Variants in SGIP1 observed in about 807,000 individuals in gnomAD.
The protein encoded by SGIP1 is SH3-containing GRB2-like protein 3-interacting protein 1.
SGIP1 carries 38 observed loss-of-function variants against 107.5 expected under a neutral mutation model. The observed-to-expected ratio is 0.35, with a 90% CI of 0.27 to 0.46. SGIP1 has a LOEUF of 0.46. SGIP1 is among the 20% of genes least tolerant of loss of function. The pLI is 1.00. For synonymous variants in SGIP1, 365 were observed against 366.1 expected (o/e 1.00, Z 0.03); for missense variants, 929 against 1,019.5 (o/e 0.91, Z 1.21).
chr1:66,733,206 C>T (rs1453944670), intron 20 of SGIP1, among the ~76,000 whole-genome samples: 3 of 152,132 alleles, frequency 2.0e-5, no homozygotes, highest in Non-Finnish European at 2.9e-5. Flanking sequence ...GATTTAAATG[C>T]TCATGGATGA....
chr1:66,717,977 T>C (rs980713264), intron 18 of SGIP1, among the ~76,000 whole-genome samples: 3 of 152,158 alleles, frequency 2.0e-5, no homozygotes, highest in African/African-American at 7.2e-5. Flanking sequence ...CCATAATACC[T>C]GATACATAGT....
chr1:66,594,250 T>C (rs72916400), intron 1 of SGIP1, among the ~76,000 whole-genome samples: 7,740 of 152,308 alleles, frequency 0.051, 602 homozygotes, highest in African/African-American at 0.17. Flanking sequence ...TCTAAAATTC[T>C]TAACACTTAT....
Position 66,743,064 on chromosome 1 carries a change from G to A in SGIP1, c.2465-9G>A, listed in dbSNP as rs200878359. ...AGATAACCTGTTGACATGCTGTTTT[G>A]TTTTGCAGGAAAATACTTGGCAGAT... On this transcript the variant is annotated splice_polypyrimidine_tract_variant and intron_variant, in intron 24 of 24. Transcript: ENST00000371037. 211 of 1,613,512 alleles carry A rather than the reference G, an allele frequency of 1.3e-4. No homozygotes were observed. In the African/African-American group the frequency reaches 2.5e-3, roughly 19 times the overall value.
At chr1:66,621,465 C>G (rs2071086853) in intron 1 of SGIP1, among the ~76,000 whole-genome samples, 1 of 152,100 alleles carries the variant, frequency 6.6e-6, no homozygotes, top group Admixed American at 6.5e-5. Context: ...ATAAAATTTT[C>G]CATTTTGGCC....
chr1:66,665,460 G>A (rs2082332694), intron 8 of SGIP1, among the ~76,000 whole-genome samples: 3 of 152,188 alleles, frequency 2.0e-5, no homozygotes, highest in African/African-American at 7.2e-5. Flanking sequence ...ATAGCAGCAT[G>A]ATTTATAATC....
intron 1 of SGIP1, among the ~76,000 whole-genome samples, chr1:66,620,051 C>T (rs985340052): frequency 2.0e-5 from 3 of 152,112 alleles, no homozygotes; most frequent in Non-Finnish European, 4.4e-5. Context: ...AAAAGTGGCT[C>T]AAATTCAAAA....
intron 1 of SGIP1, among the ~76,000 whole-genome samples, chr1:66,568,797 G>A (rs1459678348): frequency 6.6e-6 from 1 of 151,810 alleles, no homozygotes; most frequent in Non-Finnish European, 1.5e-5. Context: ...TGCAGAAAAG[G>A]CCTTTGATAA....
intron 2 of SGIP1, among the ~76,000 whole-genome samples, chr1:66,630,026 C>A (rs1010119359): frequency 6.6e-6 from 1 of 152,116 alleles, no homozygotes; most frequent in African/African-American, 2.4e-5. Flanking sequence ...GCTAGGAAAT[C>A]GACATTGGTT....
chr1:66,624,183 G>A (rs754442521), intron 1 of SGIP1, among the ~76,000 whole-genome samples: 16 of 152,116 alleles, frequency 1.1e-4, no homozygotes, highest in Non-Finnish European at 2.1e-4. Context: ...TTGTGAGCTC[G>A]AAGCTAAAAC....
intron 7 of SGIP1, among the ~76,000 whole-genome samples, chr1:66,659,950 A>AAAAG (rs71058469): frequency 0.036 from 1,532 of 43,040 alleles, 92 homozygotes; most frequent in Non-Finnish European, 0.039. Flanking sequence ...AAAAGAAAGA[A>AAAAG]AAAGAAAGAA....
At chr1:66,619,410 C>T (rs1362614441) in intron 1 of SGIP1, among the ~76,000 whole-genome samples, 1 of 152,254 alleles carries the variant, frequency 6.6e-6, no homozygotes, top group Admixed American at 6.5e-5. Context: ...CCCTCTCCCG[C>T]AGGCTCCGCC....
At chr1:66,671,383 C>A (rs1250493684) in intron 10 of SGIP1, among the ~76,000 whole-genome samples, 1 of 152,020 alleles carries the variant, frequency 6.6e-6, no homozygotes, top group Admixed American at 6.6e-5. Context: ...AGCAACTTAC[C>A]CATTCTTGTG....
At chr1:66,711,118 C>G (rs1347763448) in intron 18 of SGIP1, among the ~76,000 whole-genome samples, 1 of 152,090 alleles carries the variant, frequency 6.6e-6, no homozygotes, top group Non-Finnish European at 1.5e-5. Context: ...ATAAAATATC[C>G]TTTCACAACT....
intron 3 of SGIP1, among the ~76,000 whole-genome samples, chr1:66,635,654 T>C (rs1040881718): frequency 5.3e-5 from 8 of 152,226 alleles, no homozygotes; most frequent in Non-Finnish European, 8.8e-5. Context: ...AAATGCTGGC[T>C]GTATGAGAAA....
At chr1:66,601,532 TGAGAGA>T (rs753130062) in intron 1 of SGIP1, among the ~76,000 whole-genome samples, 10 of 150,350 alleles carry the variant, frequency 6.7e-5, no homozygotes, top group African/African-American at 2.0e-4. Flanking sequence ...TGTGTGTGTG[TGAGAGA>T]GAGAGAGAGA....
chr1:66,560,115 G>A (rs1282449007), intron 1 of SGIP1, among the ~76,000 whole-genome samples: 1 of 152,006 alleles, frequency 6.6e-6, no homozygotes, highest in Non-Finnish European at 1.5e-5. Flanking sequence ...CAGCAGAGAG[G>A]TCTGGAGGCT....
intron 19 of SGIP1, among the ~76,000 whole-genome samples, chr1:66,724,101 C>T (rs1347236154): frequency 6.6e-6 from 1 of 152,134 alleles, no homozygotes; most frequent in East Asian, 1.9e-4. Context: ...GTTTTGTTAG[C>T]AGTACATATA....
chr1:66,639,951 G>A (rs1158575344), intron 5 of SGIP1, 118 bp downstream of exon 5: 10 of 776,822 alleles, frequency 1.3e-5, no homozygotes, highest in Non-Finnish European at 2.1e-5. Flanking sequence ...ATTAGGAAGT[G>A]TCTGGCATAT....
intron 18 of SGIP1, chr1:66,704,444 A>C (rs1355165597): frequency 6.6e-6 from 1 of 152,170 alleles, no homozygotes; most frequent in African/African-American, 2.4e-5. Context: ...TTCTGTGTCA[A>C]CACTGATGGG....
Sources: gnomAD v4.1 joint callset for allele counts (sites outside exome capture counted in the v4.1 genomes callset) on GRCh38, gnomAD v4.1.1 for gene constraint, MANE v1.5 for transcripts, NCBI Gene and HGNC (gene_info 2026-07-23, HGNC 2026-07-21) for gene names.